LEUTX: variants seen among roughly 807,000 people sequenced by gnomAD.
LEUTX encodes the protein paired-like homeodomain transcription factor LEUTX.
LEUTX carries 5 observed loss-of-function variants against 4.5 expected under a neutral mutation model. The observed-to-expected ratio is 1.11, with a 90% CI of 0.58 to 2.34. LEUTX has a LOEUF of 2.34. Ranked by LOEUF, LEUTX falls within the 30% of genes most tolerant of loss-of-function variation. The probability of loss-of-function intolerance (pLI) is 0.01; values close to 1 mark genes in which losing one functional copy is unlikely to be tolerated. For missense variants in LEUTX, 233 were observed against 239.4 expected (o/e 0.97, Z 0.18); for synonymous variants, 89 against 85.1 (o/e 1.05, Z -0.25).
chr19:39,781,619 A>C (rs1360562591), intron 1 of LEUTX, among the ~76,000 whole-genome samples: 1 of 151,908 alleles, frequency 6.6e-6, no homozygotes, highest in Non-Finnish European at 1.5e-5. Context: ...AGAGTCTGGG[A>C]CCTTCCCCTG....
chr19:39,780,181 T>C (rs1008356635), intron 1 of LEUTX, among the ~76,000 whole-genome samples: 1 of 152,204 alleles, frequency 6.6e-6, no homozygotes, highest in African/African-American at 2.4e-5. Flanking sequence ...TATTGTTTAA[T>C]ACTAAACTTA....
chr19:39,783,452 T>C (rs1967918020), intron 1 of LEUTX, among the ~76,000 whole-genome samples: 1 of 151,324 alleles, frequency 6.6e-6, no homozygotes, highest in South Asian at 2.1e-4. Flanking sequence ...CGAATTGTAC[T>C]GCTATAAACA....
chr19:39,780,319 A>G (rs1466364458), intron 1 of LEUTX, among the ~76,000 whole-genome samples: 1 of 152,196 alleles, frequency 6.6e-6, no homozygotes, highest in Non-Finnish European at 1.5e-5. Context: ...GCTTTTCTAA[A>G]GACCAGTAGA....
intron 2 of LEUTX, among the ~76,000 whole-genome samples, chr19:39,785,256 C>A (rs76111933): frequency 0.015 from 2,310 of 152,192 alleles, 55 homozygotes; most frequent in African/African-American, 0.052. Context: ...GGCAACATAG[C>A]AAGACCATGT....
intron 1 of LEUTX, among the ~76,000 whole-genome samples, chr19:39,781,495 T>G (rs1260631699): frequency 6.6e-6 from 1 of 152,196 alleles, no homozygotes; most frequent in African/African-American, 2.4e-5. Context: ...GAGGTGGGCC[T>G]GGTGGAAGGG....
Position 39,784,179 on chromosome 19 carries a change from T to A in LEUTX, c.8-348T>A, listed in dbSNP as rs190588323. On this transcript the variant is annotated intron_variant, in intron 1 of 2. Transcript: ENST00000638280. ...CCCTCATTTCTTGTATCTTTTTTTT[T>A]AATTTCCTTAAATTGGGCTTCACTT... 5.8e-3 allele frequency among the ~76,000 whole-genome samples: 880 copies of A among 152,276 alleles called. 9 individuals carry two copies. The highest frequency in any genetic ancestry group is 0.02 in the African/African-American group (827 of 41,546).
intron 1 of LEUTX, among the ~76,000 whole-genome samples, chr19:39,779,897 C>G (rs1967859359): frequency 6.6e-6 from 1 of 152,120 alleles, no homozygotes; most frequent in Non-Finnish European, 1.5e-5. Flanking sequence ...GCCTGTGGTT[C>G]CAGCTACTTG....
chr19:39,786,103 C>T lies in LEUTX; in HGVS notation c.565C>T (p.Leu189Phe). The T allele has an allele frequency of 3.9e-6, 6 of 1,543,900 alleles. No individual in the cohort carries two copies. The highest frequency in any genetic ancestry group is 5.2e-6 in the Non-Finnish European group (6 of 1,143,368). The part of the protein sequence containing the change: ...SLNQYLFPVC[L>F]EYDQLQSSV ...AAATCAATATCTTTTTCCAGTATGC[C>T]TTGAGTATGACCAGCTCCAATCTTC... is the stretch of plus-strand genomic sequence containing the variant. The change falls in exon 3 of 3, where the codon CTT becomes TTT. Residue 189 changes from leucine to phenylalanine, a missense_variant. By Grantham distance (22) the Leu-to-Phe change is conservative. Coordinates refer to ENST00000638280, the MANE Select transcript of LEUTX (RefSeq NM_001382345.1).
At chr19:39,783,364 TACAC>T (rs141643356) in intron 1 of LEUTX, among the ~76,000 whole-genome samples, 8 of 134,400 alleles carry the variant, frequency 6.0e-5, no homozygotes, top group South Asian at 4.3e-4. Flanking sequence ...TATATATATA[TACAC>T]ACACACACAC....
upstream of LEUTX, among the ~76,000 whole-genome samples, chr19:39,776,968 C>A (rs1967805842): frequency 6.6e-6 from 1 of 152,206 alleles, no homozygotes; most frequent in Non-Finnish European, 1.5e-5. Flanking sequence ...GAATAAAATT[C>A]AAACTTCTTC....
upstream of LEUTX, chr19:39,776,803 C>A: frequency 2.5e-6 from 1 of 395,030 alleles, no homozygotes; most frequent in Admixed American, 2.9e-5. Flanking sequence ...ATCCCTTGAG[C>A]CTGGGAGGCG....
Position 39,785,728 on chromosome 19 carries a change from A to G in LEUTX, c.190A>G (p.Lys64Glu), listed in dbSNP as rs1276876464. The change falls in exon 3 of 3, where the codon AAG becomes GAG. Residue 64 changes from lysine (K) to glutamate (E), a missense_variant. Lys to Glu is a moderately conservative substitution (Grantham distance 56). Transcript: ENST00000638280. ...IWFKNQRAKW[K>E]RQQRQQMQTR... ...GTTCAAGAACCAGCGTGCCAAATGG[A>G]AGAGGCAGCAGCGGCAGCAAATGCA... is the stretch of plus-strand genomic sequence containing the variant. 6.4e-7 allele frequency: 1 copy of G among 1,551,918 alleles called. No homozygotes were observed. Among genetic ancestry groups the G allele is most frequent in the Non-Finnish European group, 8.7e-7 (1 of 1,147,020 alleles).
At chr19:39,784,751 A>G (rs1967939385) in intron 2 of LEUTX, 73 bp downstream of exon 2, 12 of 1,154,204 alleles carry the variant, frequency 1.0e-5, no homozygotes, top group Non-Finnish European at 1.4e-5. Context: ...TCATTGTTAT[A>G]ACAGTTCCTA....
chr19:39,785,719 G>C lies in LEUTX; in HGVS notation c.181G>C (p.Ala61Pro). 1 of 1,551,908 alleles carries C rather than the reference G, an allele frequency of 6.4e-7. No homozygotes were observed. Among genetic ancestry groups the C allele is most frequent in the Non-Finnish European group, 8.7e-7 (1 of 1,147,008 alleles). ...VVKIWFKNQR[A>P]KWKRQQRQQM... ...TTAGATCTGGTTCAAGAACCAGCGT[G>C]CCAAATGGAAGAGGCAGCAGCGGCA... Residue 61 changes from alanine to proline, a missense_variant, in exon 3 of 3, where the codon GCC becomes CCC. Ala to Pro is a conservative substitution (Grantham distance 27, BLOSUM62 -1). Coordinates refer to ENST00000638280, the MANE Select transcript of LEUTX (RefSeq NM_001382345.1).
chr19:39,781,428 A>G (rs958167406), intron 1 of LEUTX, among the ~76,000 whole-genome samples: 5 of 152,198 alleles, frequency 3.3e-5, no homozygotes, highest in Admixed American at 1.3e-4. Context: ...ATGCACTAAT[A>G]CAGTTTGCAT....
rs985861208 is a variant in LEUTX, at chr19:39,778,887, A to G, written c.-34A>G. 1 of 152,128 alleles carries G rather than the reference A, an allele frequency of 6.6e-6. No individual in the cohort carries two copies. The highest frequency in any genetic ancestry group is 6.6e-5 in the Admixed American group (1 of 15,256). 9.4% of individuals were successfully genotyped at this position (152,128 alleles called of 1,614,324 possible). ...TCAGCTCAGGAGCTCTGCAGCACAC[A>G]GCTGATCGAACCCACTCATTTCTAG... On this transcript the variant is annotated 5_prime_UTR_variant, in exon 1 of 3. Transcript: ENST00000638280.
intron 1 of LEUTX, among the ~76,000 whole-genome samples, chr19:39,782,315 G>A (rs959098625): frequency 2.0e-5 from 3 of 152,154 alleles, no homozygotes; most frequent in Middle Eastern, 3.4e-3. Context: ...ATCATGGGGC[G>A]GTTTCCCCCA....
chr19:39,781,015 C>T (rs1002085807), intron 1 of LEUTX, among the ~76,000 whole-genome samples: 7 of 151,882 alleles, frequency 4.6e-5, no homozygotes, highest in Non-Finnish European at 1.0e-4. Context: ...TATTTCTTTT[C>T]TTAAGAAAAA....
At chr19:39,777,611 G>T (rs1967814763), upstream of LEUTX, among the ~76,000 whole-genome samples, 1 of 152,116 alleles carries the variant, frequency 6.6e-6, no homozygotes, top group South Asian at 2.1e-4. Flanking sequence ...GATAGGATTT[G>T]GGAGTTTCTA....
Sources: gnomAD v4.1 joint callset for allele counts (sites outside exome capture counted in the v4.1 genomes callset) on GRCh38, gnomAD v4.1.1 for gene constraint, MANE v1.5 for transcripts, NCBI Gene and HGNC (gene_info 2026-07-23, HGNC 2026-07-21) for gene names.